PRLR: variants seen among roughly 807,000 people sequenced by gnomAD.
PRLR encodes the protein prolactin receptor.
A neutral mutation model predicts 40.2 loss-of-function variants in PRLR; 13 were observed. That is an observed-to-expected ratio of 0.32 (90% CI 0.21 to 0.51). The LOEUF (loss-of-function observed/expected upper bound fraction) is 0.51, where lower values mean the gene tolerates loss of function less well. Ranked by LOEUF, PRLR falls within the 20% of genes least tolerant of loss-of-function variation. The pLI is 0.97. For missense variants in PRLR, 656 were observed against 747.3 expected, an observed-to-expected ratio of 0.88 and a Z score of 1.42; for synonymous variants, 269 against 278.7, an observed-to-expected ratio of 0.97 and a Z score of 0.35.
At chr5:35,182,621 CAGG>C (rs1375099440) in intron 1 of PRLR, among the ~76,000 whole-genome samples, 1 of 149,042 alleles carries the variant, frequency 6.7e-6, no homozygotes, top group Non-Finnish European at 1.5e-5. Flanking sequence ...TGCTCAACAG[CAGG>C]AGGCCTTTGC....
intron 1 of PRLR, among the ~76,000 whole-genome samples, chr5:35,225,097 C>T (rs145779435): frequency 4.7e-4 from 71 of 152,246 alleles, no homozygotes; most frequent in African/African-American, 1.7e-3. Flanking sequence ...GTTGTCTCCT[C>T]GTCTGATTTT....
chr5:35,053,034 C>T (rs925168447), downstream of PRLR, among the ~76,000 whole-genome samples: 4 of 152,160 alleles, frequency 2.6e-5, no homozygotes, highest in Admixed American at 6.5e-5. Context: ...TTAGTGAACC[C>T]TCGGAGGGCA....
At position 35,208,318 on chromosome 5, in the gene PRLR, A is replaced by G. The variant is rs114370811; in HGVS notation, c.-106+21950T>C. Among the ~76,000 whole-genome samples the G allele has an allele frequency of 6.8e-3, 1,034 of 152,202 alleles. 10 individuals are homozygous for G. The highest frequency in any genetic ancestry group is 0.024 in the African/African-American group (1,005 of 41,526). ...GCCATTTTCCTTCATTCTCAGCTAG[A>G]AGGTTGTTTCCTTCCAGAAGCCTTC... On this transcript the variant is annotated intron_variant, in intron 1 of 9. Coordinates refer to ENST00000618457, the MANE Select transcript of PRLR (RefSeq NM_000949.7).
At chr5:35,068,329 C>A in intron 8 of PRLR, 44 bp from the exon 9 acceptor site, 1 of 1,554,192 alleles carries the variant, frequency 6.4e-7, no homozygotes, top group Non-Finnish European at 8.9e-7. Context: ...TCATTTCTGA[C>A]TTTGTAATTT....
chr5:35,215,371 T>C (rs927862418), intron 1 of PRLR, among the ~76,000 whole-genome samples: 1 of 152,188 alleles, frequency 6.6e-6, no homozygotes, highest in African/African-American at 2.4e-5. Flanking sequence ...CCCACATCCT[T>C]AGCATTTTAC....
chr5:35,208,614 C>T lies in PRLR; in HGVS notation c.-106+21654G>A, dbSNP rs149483159. Among the ~76,000 whole-genome samples the T allele has an allele frequency of 6.1e-3, 928 of 152,116 alleles. 1 individual carries two copies. Among genetic ancestry groups the T allele is most frequent in the Non-Finnish European group, 9.4e-3 (642 of 68,002 alleles). Reference sequence around the variant, plus strand: ...AAAAAAATGAACAAACTTCAAGCCACAAAAACTTATTTATTTGTCAAAAAT... The same window carrying T: ...AAAAAAATGAACAAACTTCAAGCCATAAAAACTTATTTATTTGTCAAAAAT... On this transcript the variant is annotated intron_variant, in intron 1 of 9. Transcript: ENST00000618457.
chr5:35,121,684 C>G (rs899691160), intron 1 of PRLR, among the ~76,000 whole-genome samples: 1 of 152,096 alleles, frequency 6.6e-6, no homozygotes, highest in African/African-American at 2.4e-5. Context: ...ATTTAATGCT[C>G]CCCAAAATCT....
chr5:35,113,915 C>A (rs1318466433), intron 2 of PRLR, among the ~76,000 whole-genome samples: 5 of 152,228 alleles, frequency 3.3e-5, no homozygotes, highest in Admixed American at 6.5e-5. Context: ...CCAACACCCA[C>A]TTCTGCCTTC....
chr5:35,201,090 C>A (rs1423884216), intron 1 of PRLR, among the ~76,000 whole-genome samples: 11 of 152,248 alleles, frequency 7.2e-5, no homozygotes, highest in African/African-American at 2.6e-4. Flanking sequence ...CTTAAGCCCC[C>A]AGAACCTTAA....
chr5:35,074,087 T>C (rs1157031872), intron 5 of PRLR, among the ~76,000 whole-genome samples: 2 of 152,192 alleles, frequency 1.3e-5, no homozygotes, highest in Non-Finnish European at 2.9e-5. Context: ...AAATCTTGTA[T>C]GTGAATTTTC....
chr5:35,071,969 C>G (rs1769774727), intron 6 of PRLR, among the ~76,000 whole-genome samples: 1 of 151,552 alleles, frequency 6.6e-6, no homozygotes. Context: ...GATTTCAGCT[C>G]ACTGAAACCT....
chr5:35,056,752 A>G lies in PRLR; in HGVS notation c.*8337T>C, dbSNP rs1202218819. ...CTTAAAAATATAAGAGGGCCCAAGA[A>G]TTAAAGGCAGTTGGCTTCAATATAA... On this transcript the variant is annotated 3_prime_UTR_variant, in exon 10 of 10. Coordinates refer to ENST00000618457, the MANE Select transcript of PRLR (RefSeq NM_000949.7). 2.6e-5 allele frequency: 4 copies of G among 152,184 alleles called. No individual in the cohort carries two copies. Among genetic ancestry groups the G allele is most frequent in the Admixed American group, 6.6e-5 (1 of 15,264 alleles). 9.4% of individuals were successfully genotyped at this position (152,184 alleles called of 1,614,324 possible).
chr5:35,191,074 T>C lies in PRLR; in HGVS notation c.-106+39194A>G, dbSNP rs1192582022. On this transcript the variant is annotated intron_variant, in intron 1 of 9. Coordinates refer to ENST00000618457, the MANE Select transcript of PRLR (RefSeq NM_000949.7). ...TTTTTTTTTTTTTTTTTTTTTTTTT[T>C]TTTTTTTTTTTTTTGAGACGGAGTC... Among the ~76,000 whole-genome samples the C allele has an allele frequency of 2.7e-4, 5 of 18,458 alleles. 1 individual carries two copies. The highest frequency in any genetic ancestry group is 2.7e-4 in the African/African-American group (1 of 3,670). 12.1% of individuals were successfully genotyped at this position (18,458 alleles called of 152,430 possible).
intron 2 of PRLR, among the ~76,000 whole-genome samples, chr5:35,112,510 A>G (rs897160177): frequency 6.6e-6 from 1 of 152,192 alleles, no homozygotes; most frequent in Admixed American, 6.5e-5. Context: ...GTAGAGAAAG[A>G]GGAGAAAGCA....
intron 1 of PRLR, among the ~76,000 whole-genome samples, chr5:35,127,410 C>A (rs1773506588): frequency 6.6e-6 from 1 of 152,176 alleles, no homozygotes; most frequent in African/African-American, 2.4e-5. Context: ...GTGCTATCAC[C>A]ATTACATCAT....
intron 1 of PRLR, among the ~76,000 whole-genome samples, chr5:35,228,831 AG>A (rs989511139): frequency 2.0e-5 from 3 of 152,136 alleles, no homozygotes; most frequent in Admixed American, 2.0e-4. Flanking sequence ...CAGCCCAACC[AG>A]CAGCAAGGAG....
At chr5:35,217,204 G>C (rs1276230214) in intron 1 of PRLR, among the ~76,000 whole-genome samples, 3 of 152,130 alleles carry the variant, frequency 2.0e-5, no homozygotes. Context: ...CCTGAAAGTG[G>C]GTGTACATGC....
At chr5:35,185,878 T>C (rs1775412450) in intron 1 of PRLR, among the ~76,000 whole-genome samples, 1 of 152,142 alleles carries the variant, frequency 6.6e-6, no homozygotes, top group South Asian at 2.1e-4. Flanking sequence ...GTTCAGACTA[T>C]GGGGAGCAAG....
intron 1 of PRLR, among the ~76,000 whole-genome samples, chr5:35,120,078 C>T (rs750588958): frequency 6.6e-6 from 1 of 152,104 alleles, no homozygotes; most frequent in Admixed American, 6.6e-5. Context: ...CCCTGTGAGT[C>T]TGACTCCTGT....
Sources: allele counts gnomAD v4.1 joint callset (sites outside exome capture counted in the v4.1 genomes callset), GRCh38; gene constraint gnomAD v4.1.1; transcripts MANE v1.5; gene names NCBI Gene and HGNC (gene_info 2026-07-23, HGNC 2026-07-21).